Variants in CTSB observed in about 807,000 individuals in gnomAD.
CTSB encodes cathepsin B.
In CTSB, 57 loss-of-function variants were observed where a neutral mutation model predicts 44.3. The observed-to-expected ratio is 1.29, with a 90% CI of 1.04 to 1.60. The LOEUF (loss-of-function observed/expected upper bound fraction) is 1.60, where lower values mean the gene tolerates loss of function less well. Among genes scored for constraint, CTSB ranks in the 40% most tolerant of loss-of-function variants. The pLI is 0.00. For missense variants in CTSB, 768 were observed against 443.0 expected, an observed-to-expected ratio of 1.73 and a Z score of -6.59; for synonymous variants, 320 against 168.0, an observed-to-expected ratio of 1.91 and a Z score of -7.00.
chr8:11,862,516 G>C (rs1022815663), intron 1 of CTSB: 4 of 152,240 alleles, frequency 2.6e-5, no homozygotes, highest in Admixed American at 2.6e-4. Flanking sequence ...TGTACTATCA[G>C]TGACAAGGCC....
At chr8:11,846,595 T>C (rs1255588679) in intron 8 of CTSB, among the ~76,000 whole-genome samples, 1 of 152,204 alleles carries the variant, frequency 6.6e-6, no homozygotes, top group African/African-American at 2.4e-5. Flanking sequence ...GTTCATCCAC[T>C]GGTGTGAGGC....
chr8:11,862,667 A>C (rs1816602816), intron 1 of CTSB, among the ~76,000 whole-genome samples: 2 of 152,208 alleles, frequency 1.3e-5, no homozygotes, highest in African/African-American at 4.8e-5. Context: ...CCAACCCTCG[A>C]ATGGGAAAAG....
At chr8:11,864,328 A>AAC (rs1816817264) in intron 1 of CTSB, 1 of 149,938 alleles carries the variant, frequency 6.7e-6, no homozygotes, top group African/African-American at 2.5e-5. Flanking sequence ...GAAAAAAAAA[A>AAC]AAAAAAAAAA....
chr8:11,847,775 A>G lies in CTSB; in HGVS notation c.580T>C (p.Ser194Pro). Residue 194 changes from serine to proline, a missense_variant, in exon 7 of 10, where the codon TCC (serine) becomes CCC (proline). Physicochemically the swap from Ser to Pro is moderately conservative, Grantham distance 74. Coordinates refer to ENST00000353047, the MANE Select transcript of CTSB (RefSeq NM_001908.5). ...IPPCEHHVNG[S>P]RPPCTGEGDT... ...CCCTCCCCCGTGCATGGGGGCCGGG[A>G]GCCGTTGACGTGGTGCTCACAGGGA... is the stretch of plus-strand genomic sequence containing the variant. The G allele has an allele frequency of 1.3e-6, 2 of 1,599,810 alleles. No homozygotes were observed. The highest frequency in any genetic ancestry group is 1.7e-6 in the Non-Finnish European group (2 of 1,175,906).
At chr8:11,862,053 A>G (rs1816498041) in intron 1 of CTSB, among the ~76,000 whole-genome samples, 1 of 152,120 alleles carries the variant, frequency 6.6e-6, no homozygotes, top group South Asian at 2.1e-4. Context: ...TAAAAATACA[A>G]AAAAATAGCC....
chr8:11,853,572 C>G (rs989945295), intron 1 of CTSB, 93 bp from the exon 2 acceptor site: 8 of 1,292,314 alleles, frequency 6.2e-6, no homozygotes, highest in African/African-American at 4.5e-5. Context: ...CAGTGGGGAC[C>G]CCCATGCTCG....
rs747940576 is a variant in CTSB at position 11,853,351 on chromosome 8, T to G, written c.104A>C (p.Asn35Thr). 1 of 1,613,362 alleles carries G rather than the reference T, an allele frequency of 6.2e-7. No individual in the cohort carries two copies. Among genetic ancestry groups the G allele is most frequent in the South Asian group, 1.1e-5 (1 of 91,028 alleles). The change falls in exon 2 of 10, where the codon AAC becomes ACC. Residue 35 changes from asparagine to threonine, a missense_variant. Transcript: ENST00000353047. ...TACCTGCCACGTGGTATTCCGTTTG[T>G]TGACATAGTTGACCAGCTCATCCGA... ...PLSDELVNYV[N>T]KRNTTWQAGH...
chr8:11,856,266 C>G (rs1241908794), intron 1 of CTSB, among the ~76,000 whole-genome samples: 1 of 151,752 alleles, frequency 6.6e-6, no homozygotes, highest in Non-Finnish European at 1.5e-5. Context: ...GGAAATGAAT[C>G]AAGTATCCAA....
chr8:11,844,939 G>C lies in CTSB; in HGVS notation c.*186C>G, dbSNP rs1812980299. ...CTGGCAGCGGTGGCTCACATGGCCTGTCTGCACTGTAACCACAGGCTGGGA... is the reference window on the plus strand; with the variant it reads ...CTGGCAGCGGTGGCTCACATGGCCTCTCTGCACTGTAACCACAGGCTGGGA... On this transcript the variant is annotated 3_prime_UTR_variant, in exon 10 of 10. Coordinates refer to ENST00000353047, the MANE Select transcript of CTSB (RefSeq NM_001908.5). 3.3e-6 allele frequency: 2 copies of C among 602,616 alleles called. No homozygotes were observed. The highest frequency in any genetic ancestry group is 5.9e-6 in the Non-Finnish European group (2 of 336,348). The allele number at this position is 602,616 out of a possible 1,614,324, so 37.3% of individuals were successfully genotyped here.
At chr8:11,866,811 G>C (rs1817218576) in intron 1 of CTSB, among the ~76,000 whole-genome samples, 1 of 152,232 alleles carries the variant, frequency 6.6e-6, no homozygotes, top group African/African-American at 2.4e-5. Flanking sequence ...AGTGAGCCGA[G>C]ATCGCGCCAC....
chr8:11,844,166 A>C lies in CTSB; in HGVS notation c.*959T>G, dbSNP rs1407171953. On this transcript the variant is annotated 3_prime_UTR_variant, in exon 10 of 10. Coordinates refer to ENST00000353047, the MANE Select transcript of CTSB (RefSeq NM_001908.5). ...TTGGGGGAGGGATGCCATGGTTGAA[A>C]ACATGGCTGGGGCAGCGAGAAGTTA... is the stretch of plus-strand genomic sequence containing the variant. The C allele has an allele frequency of 1.3e-5, 2 of 152,262 alleles. No individual in the cohort carries two copies. The highest frequency in any genetic ancestry group is 4.8e-5 in the African/African-American group (2 of 41,460). 9.4% of individuals were successfully genotyped at this position (152,262 alleles called of 1,614,324 possible).
chr8:11,853,190 C>T, intron 2 of CTSB, 139 bp downstream of exon 2: 1 of 1,216,136 alleles, frequency 8.2e-7, no homozygotes, highest in South Asian at 1.4e-5. Flanking sequence ...GCCGACATGA[C>T]TCAGGGTCAG....
chr8:11,849,132 C>G lies in CTSB; in HGVS notation c.360G>C (p.Arg120=). The change falls in exon 5 of 10, where the codon CGG becomes CGC. Residue 120 remains arginine, a synonymous_variant. Coordinates refer to ENST00000353047, the MANE Select transcript of CTSB (RefSeq NM_001908.5). Reference sequence around the variant, plus strand: ...CGTGCGCATTGGTGTGGATGCAGATCCGGTCAGAGATGGCTTCCACAGCCC... The same window carrying G: ...CGTGCGCATTGGTGTGGATGCAGATGCGGTCAGAGATGGCTTCCACAGCCC... ...AFGAVEAISD[R]ICIHTNAHVS... 1 of 1,613,246 alleles carries G rather than the reference C, an allele frequency of 6.2e-7. No individual in the cohort carries two copies. Among genetic ancestry groups the G allele is most frequent in the African/African-American group, 1.3e-5 (1 of 75,058 alleles).
chr8:11,848,390 G>A lies in CTSB; in HGVS notation c.447-238C>T, dbSNP rs751015282. 100 of 648,996 alleles carry A rather than the reference G, an allele frequency of 1.5e-4. 1 individual carries two copies. The East Asian group carries it at 3.0e-3, about 19-fold the overall frequency. 40.2% of individuals were successfully genotyped at this position (648,996 alleles called of 1,614,324 possible). A position where few individuals can be genotyped will look rare whatever the true frequency, so the allele number is the denominator to read the frequency against. ...ACAAAGATCCGGGAGAAGACAGGAGGCTCTCCTGTTCATGTCCATACCAGA... is the reference window on the plus strand; with the variant it reads ...ACAAAGATCCGGGAGAAGACAGGAGACTCTCCTGTTCATGTCCATACCAGA... On this transcript the variant is annotated intron_variant, in intron 5 of 9. Coordinates refer to ENST00000353047, the MANE Select transcript of CTSB (RefSeq NM_001908.5).
At chr8:11,867,053 T>G (rs1216082732) in intron 1 of CTSB, among the ~76,000 whole-genome samples, 1 of 152,148 alleles carries the variant, frequency 6.6e-6, no homozygotes, top group African/African-American at 2.4e-5. Context: ...AGGAGGAGTG[T>G]GGGGCCTGCG....
intron 1 of CTSB, among the ~76,000 whole-genome samples, chr8:11,860,301 G>T (rs1816225342): frequency 6.6e-6 from 1 of 151,982 alleles, no homozygotes; most frequent in Non-Finnish European, 1.5e-5. Context: ...TGGCTATACT[G>T]CTGGCTCCTC....
At chr8:11,851,176 T>A (rs1371423578) in intron 3 of CTSB, among the ~76,000 whole-genome samples, 196 bp from the exon 4 acceptor site, 2 of 129,204 alleles carry the variant, frequency 1.5e-5, no homozygotes, top group Non-Finnish European at 3.4e-5. Context: ...CACCTTTTGA[T>A]TTTTTTTTTG....
chr8:11,848,582 G>A (rs1813909634), intron 5 of CTSB: 1 of 334,162 alleles, frequency 3.0e-6, no homozygotes, highest in East Asian at 7.4e-5. Context: ...AAGCCCTCAG[G>A]CATTTCGGAT....
Position 11,844,310 on chromosome 8 carries a change from G to C in CTSB, c.*815C>G, listed in dbSNP as rs560114352. 6.6e-6 allele frequency: 1 copy of C among 152,348 alleles called. No individual in the cohort carries two copies. Among genetic ancestry groups the C allele is most frequent in the African/African-American group, 2.4e-5 (1 of 41,572 alleles). The allele number at this position is 152,348 out of a possible 1,614,324, so 9.4% of individuals were successfully genotyped here. On this transcript the variant is annotated 3_prime_UTR_variant, in exon 10 of 10. Coordinates refer to ENST00000353047, the MANE Select transcript of CTSB (RefSeq NM_001908.5). The stretch of plus-strand genomic sequence containing the variant: ...TGACAAAGGATCTGAGATCCCATCA[G>C]AGTAGACTTCAAGTTGGAGAAAACT...
Sources: allele counts gnomAD v4.1 joint callset (sites outside exome capture counted in the v4.1 genomes callset), GRCh38; gene constraint gnomAD v4.1.1; transcripts MANE v1.5; gene names NCBI Gene and HGNC (gene_info 2026-07-23, HGNC 2026-07-21).